The following KIF21A variants were observed in gnomAD, a reference collection of about 807,000 sequenced individuals.
KIF21A encodes kinesin-like protein KIF21A.
KIF21A carries 114 observed loss-of-function variants against 202.9 expected under a neutral mutation model. That is an observed-to-expected ratio of 0.56 (90% confidence interval 0.48 to 0.66). The LOEUF (loss-of-function observed/expected upper bound fraction) is 0.66. Ranked by LOEUF, KIF21A falls within the 30% of genes least tolerant of loss-of-function variation. The pLI, the probability that KIF21A is intolerant of heterozygous loss-of-function variation, is 0.00. For synonymous variants in KIF21A, 667 were observed against 670.8 expected (o/e 0.99, Z 0.09); for missense variants, 1,677 against 1,994.9 (o/e 0.84, Z 3.04).
chr12:39,426,550 T>C (rs1447460121), intron 1 of KIF21A, among the ~76,000 whole-genome samples: 19 of 152,026 alleles, frequency 1.2e-4, no homozygotes, highest in Admixed American at 1.2e-3. Context: ...GGGACTTATA[T>C]CATTATTAAG....
intron 1 of KIF21A, among the ~76,000 whole-genome samples, chr12:39,436,449 T>TATATATATA (rs1491365902): frequency 3.8e-4 from 33 of 86,834 alleles, no homozygotes; most frequent in African/African-American, 2.0e-3. Context: ...TATATATATA[T>TATATATATA]TTTTTTTTTT....
rs1472586456 is a variant in KIF21A at position 39,382,677 on chromosome 12, C to T, written c.45-12416G>A. 2.0e-5 allele frequency among the ~76,000 whole-genome samples: 3 copies of T among 152,066 alleles called. No homozygotes were observed. In the East Asian group the frequency reaches 5.8e-4, roughly 29 times the overall value. ...TTACTGTCATGCTTACTAAGGCAAA[C>T]TGAAGAGTCTCCATAAGACTCAGGA... On this transcript the variant is annotated intron_variant, in intron 1 of 37. Transcript: ENST00000361418.
chr12:39,298,940 G>A (rs1942683471), intron 37 of KIF21A, among the ~76,000 whole-genome samples: 1 of 152,132 alleles, frequency 6.6e-6, no homozygotes, highest in African/African-American at 2.4e-5. Flanking sequence ...ATGAGTTAAT[G>A]TCTGCAAAGC....
In KIF21A at chr12:39,397,510, G is replaced by A. The variant is rs144558167; in HGVS notation, c.45-27249C>T. 5.3e-5 allele frequency among the ~76,000 whole-genome samples: 8 copies of A among 151,700 alleles called. No individual in the cohort carries two copies. The East Asian group carries it at 1.5e-3, about 29-fold the overall frequency. Reference sequence around the variant, plus strand: ...TACTTACCACCCTCTAATATATTATGTAATTAACTTATTTAATATGTGATT... The same window carrying A: ...TACTTACCACCCTCTAATATATTATATAATTAACTTATTTAATATGTGATT... On this transcript the variant is annotated intron_variant, in intron 1 of 37. Transcript: ENST00000361418.
intron 1 of KIF21A, among the ~76,000 whole-genome samples, chr12:39,400,253 T>C (rs1952062775): frequency 6.6e-6 from 1 of 152,190 alleles, no homozygotes; most frequent in African/African-American, 2.4e-5. Flanking sequence ...ATCTTTTAAA[T>C]ACCAGAAGGG....
intron 1 of KIF21A, among the ~76,000 whole-genome samples, chr12:39,411,422 T>C (rs1301979629): frequency 2.6e-5 from 4 of 152,358 alleles, no homozygotes; most frequent in Admixed American, 2.6e-4. Context: ...GTTTGAAATG[T>C]CATGCCTTAT....
intron 7 of KIF21A, among the ~76,000 whole-genome samples, chr12:39,361,950 T>C (rs1274561938): frequency 6.6e-6 from 1 of 152,214 alleles, no homozygotes; most frequent in African/African-American, 2.4e-5. Flanking sequence ...TCCCCAGTGT[T>C]GGAGGTGGGG....
At chr12:39,380,211 G>T (rs1028856347) in intron 1 of KIF21A, among the ~76,000 whole-genome samples, 4 of 152,100 alleles carry the variant, frequency 2.6e-5, no homozygotes, top group Non-Finnish European at 5.9e-5. Flanking sequence ...CAGGCAATCC[G>T]CCTGCCTCAG....
At chr12:39,361,121 T>A (rs1377728872) in intron 7 of KIF21A, among the ~76,000 whole-genome samples, 1 of 152,142 alleles carries the variant, frequency 6.6e-6, no homozygotes, top group African/African-American at 2.4e-5. Flanking sequence ...AAATTCAAGA[T>A]CCACAGTGAA....
intron 1 of KIF21A, among the ~76,000 whole-genome samples, chr12:39,387,949 A>G (rs553754051): frequency 3.9e-5 from 6 of 152,262 alleles, no homozygotes; most frequent in Middle Eastern, 3.4e-3. Flanking sequence ...CTCTTTTGCT[A>G]TAGGTGGTAA....
In KIF21A at chr12:39,436,448, A is replaced by ATATATATATATATTTTTTT. The variant is rs1387332677; in HGVS notation, c.44+6478_44+6479insAAAAAAATATATATATATA. On this transcript the variant is annotated intron_variant, in intron 1 of 37. Transcript: ENST00000361418. Reference sequence around the variant, plus strand: ...TATATATATATATATATATATATATATTTTTTTTTTTTTTAGACAGGGTTT... The same window carrying ATATATATATATATTTTTTT: ...TATATATATATATATATATATATATATATATATATATATTTTTTTTTTTTTTTTTTTTTAGACAGGGTTT... 1.1e-4 allele frequency among the ~76,000 whole-genome samples: 11 copies of ATATATATATATATTTTTTT among 95,760 alleles called. No individual in the cohort carries two copies. In the South Asian group the frequency reaches 2.8e-3, roughly 24 times the overall value. 62.8% of individuals were successfully genotyped at this position (95,760 alleles called of 152,430 possible).
chr12:39,306,722 C>T (rs761943179), intron 34 of KIF21A, among the ~76,000 whole-genome samples: 9 of 152,112 alleles, frequency 5.9e-5, no homozygotes, highest in Non-Finnish European at 8.8e-5. Flanking sequence ...AAGATGAGCT[C>T]TAAGAAGGTA....
intron 37 of KIF21A, among the ~76,000 whole-genome samples, chr12:39,297,961 T>C (rs957381881): frequency 1.3e-5 from 2 of 150,544 alleles, no homozygotes; most frequent in Admixed American, 6.6e-5. Flanking sequence ...AGGAGCTCAA[T>C]TTTGGATATG....
chr12:39,385,813 T>C (rs758520786), intron 1 of KIF21A, among the ~76,000 whole-genome samples: 1 of 152,196 alleles, frequency 6.6e-6, no homozygotes, highest in Middle Eastern at 3.2e-3. Context: ...AAACACATTG[T>C]ATCAAATGTA....
chr12:39,404,290 T>C (rs914567989), intron 1 of KIF21A, among the ~76,000 whole-genome samples: 1 of 152,132 alleles, frequency 6.6e-6, no homozygotes, highest in Non-Finnish European at 1.5e-5. Context: ...CACACTAAAA[T>C]GTAGGAGCCA....
At chr12:39,321,372 A>AT (rs1945235200) in intron 27 of KIF21A, 1 of 152,226 alleles carries the variant, frequency 6.6e-6, no homozygotes, top group Non-Finnish European at 1.5e-5. Flanking sequence ...CAGGCCACAG[A>AT]TTTAGTCTTG....
At chr12:39,426,061 C>G (rs1954718123) in intron 1 of KIF21A, among the ~76,000 whole-genome samples, 1 of 151,198 alleles carries the variant, frequency 6.6e-6, no homozygotes. Flanking sequence ...AATGATAAAA[C>G]AGGTAATCGG....
At position 39,319,974 on chromosome 12, in the gene KIF21A, C is replaced by A. The variant is rs75223821; in HGVS notation, c.3711G>T (p.Glu1237Asp). ...CCTTTCTCCTTGTTACAGGAGAAGG[C>A]TCTGGAATTTTTTTTTCTGATAGAG... ...QSSLSEKKIP[E>D]PSPVTRRKAY... The change falls in exon 28 of 38, where the codon GAG (glutamate) becomes GAT (aspartate). Residue 1237 changes from glutamate to aspartate, a missense_variant. Around this residue, in one of 3 missense-constraint regions of KIF21A, gnomAD observed 705 missense variants for 791.9 expected, o/e 0.89. Coordinates refer to ENST00000361418, the MANE Select transcript of KIF21A (RefSeq NM_001173464.2). 0.06 allele frequency: 95,813 copies of A among 1,607,514 alleles called. 3,182 individuals are homozygous for A. Among genetic ancestry groups the A allele is most frequent in the East Asian group, 0.12 (5,569 of 44,760 alleles).
intron 12 of KIF21A, among the ~76,000 whole-genome samples, chr12:39,346,065 C>G (rs1391176768): frequency 6.6e-6 from 1 of 151,898 alleles, no homozygotes; most frequent in African/African-American, 2.4e-5. Context: ...TCAGCATGTG[C>G]TACAACAAAA....
Sources: gnomAD v4.1 joint callset for allele counts (sites outside exome capture counted in the v4.1 genomes callset) on GRCh38, gnomAD v4.1.1 for gene constraint, gnomAD v4.1.1 regional missense constraint, MANE v1.5 for transcripts, NCBI Gene and HGNC (gene_info 2026-07-23, HGNC 2026-07-21) for gene names.